The following ZBTB20 variants were observed in gnomAD, a reference collection of about 807,000 sequenced individuals.
ZBTB20 encodes zinc finger and BTB domain containing 20, also known as zinc finger and BTB domain-containing protein 20.
Under a neutral mutation model 56.9 loss-of-function variants are expected in ZBTB20, and 9 were observed. The ratio of observed to expected loss-of-function variants is 0.16; its 90% CI spans 0.10 to 0.28. The LOEUF is 0.28. Among genes scored for constraint, ZBTB20 ranks in the 10% least tolerant of loss-of-function variants. The pLI is 1.00. For synonymous variants in ZBTB20, 417 were observed against 420.7 expected, an observed-to-expected ratio of 0.99 and a Z score of 0.11; for missense variants, 655 against 1,003.0, an observed-to-expected ratio of 0.65 and a Z score of 4.69.
At chr3:115,068,721 A>G (rs577867094) in intron 2 of ZBTB20, among the ~76,000 whole-genome samples, 8 of 152,290 alleles carry the variant, frequency 5.3e-5, no homozygotes, top group African/African-American at 1.9e-4. Flanking sequence ...ATAATATTTA[A>G]GAAAGCAACT....
chr3:115,136,883 T>C (rs549757884), intron 1 of ZBTB20, among the ~76,000 whole-genome samples: 8 of 152,050 alleles, frequency 5.3e-5, no homozygotes, highest in Non-Finnish European at 1.2e-4. Flanking sequence ...TGTTCAAAGG[T>C]ATTTCTCTGA....
At chr3:115,030,032 C>T (rs149493439) in intron 2 of ZBTB20, among the ~76,000 whole-genome samples, 20 of 151,026 alleles carry the variant, frequency 1.3e-4, no homozygotes, top group African/African-American at 4.3e-4. Context: ...AAACAATGTC[C>T]TATGAAAAAT....
chr3:114,886,090 C>T (rs1260204417), intron 4 of ZBTB20, among the ~76,000 whole-genome samples: 1 of 152,172 alleles, frequency 6.6e-6, no homozygotes, highest in Non-Finnish European at 1.5e-5. Context: ...TACCCACTCA[C>T]CCTAATAGTG....
chr3:114,870,734 G>GA (rs1279808435), intron 4 of ZBTB20, among the ~76,000 whole-genome samples: 11 of 152,058 alleles, frequency 7.2e-5, no homozygotes, highest in Admixed American at 4.6e-4. Flanking sequence ...GAATAAGACA[G>GA]AAAATCTCTG....
intron 1 of ZBTB20, among the ~76,000 whole-genome samples, chr3:115,145,608 C>A (rs2084940269): frequency 6.6e-6 from 1 of 152,152 alleles, no homozygotes; most frequent in Admixed American, 6.5e-5. Flanking sequence ...TTCCCCCACA[C>A]CCAAAATATT....
chr3:114,377,267 G>C (rs888511261), intron 10 of ZBTB20, among the ~76,000 whole-genome samples: 1 of 152,192 alleles, frequency 6.6e-6, no homozygotes, highest in Admixed American at 6.5e-5. Flanking sequence ...AGGGGGTAAT[G>C]GGGGAATATT....
chr3:114,610,220 T>G lies in ZBTB20; in HGVS notation c.-295+83308A>C, dbSNP rs150171203. 7.2e-4 allele frequency among the ~76,000 whole-genome samples: 109 copies of G among 152,292 alleles called. 1 individual carries two copies. In the South Asian group the frequency reaches 9.1e-3, roughly 13 times the overall value. ...CAGAGATCTGTTGGCAAGTACATAT[T>G]TATGTGTATCTACAGTTCCCTCACA... On this transcript the variant is annotated intron_variant, in intron 6 of 11. Coordinates refer to ENST00000675478, the MANE Select transcript of ZBTB20 (RefSeq NM_001348800.3).
intron 3 of ZBTB20, among the ~76,000 whole-genome samples, chr3:114,917,626 A>G (rs2075796128): frequency 6.6e-6 from 1 of 152,208 alleles, no homozygotes; most frequent in African/African-American, 2.4e-5. Context: ...ACAGACTCAT[A>G]GAATTACCAT....
chr3:114,853,438 T>C (rs1255845263), intron 4 of ZBTB20, among the ~76,000 whole-genome samples: 1 of 152,262 alleles, frequency 6.6e-6, no homozygotes, highest in Non-Finnish European at 1.5e-5. Context: ...TTTAATTGTT[T>C]GTTGCACAGC....
intron 7 of ZBTB20, among the ~76,000 whole-genome samples, chr3:114,408,742 G>T (rs758003905): frequency 8.0e-5 from 12 of 150,866 alleles, no homozygotes; most frequent in Admixed American, 2.7e-4. Context: ...ATTTTTTGCA[G>T]TTTAAAAACA....
chr3:114,448,556 T>C (rs1576806648), intron 7 of ZBTB20, among the ~76,000 whole-genome samples: 2 of 152,136 alleles, frequency 1.3e-5, no homozygotes, highest in East Asian at 3.9e-4. Context: ...TTCTTCAGAA[T>C]ACTGAAGATG....
At position 114,319,795 on chromosome 3, in the gene ZBTB20, C is replaced by T. The variant is rs1402795214; in HGVS notation, c.*19210G>A. ...TGTACACATACATCTTGAAAAACCA[C>T]TTTCTCAAGCATATACATATATATA... On this transcript the variant is annotated 3_prime_UTR_variant, in exon 12 of 12. Coordinates refer to ENST00000675478, the MANE Select transcript of ZBTB20 (RefSeq NM_001348800.3). 9 of 142,264 alleles carry T rather than the reference C, an allele frequency of 6.3e-5. No homozygotes were observed. The highest frequency in any genetic ancestry group is 2.1e-4 in the African/African-American group (8 of 37,604). The allele number at this position is 142,264 out of a possible 1,614,324, so 8.8% of individuals were successfully genotyped here.
chr3:114,816,777 G>A (rs758702791), intron 4 of ZBTB20, among the ~76,000 whole-genome samples: 17 of 152,058 alleles, frequency 1.1e-4, no homozygotes, highest in Non-Finnish European at 2.4e-4. Flanking sequence ...ATCAAGACAA[G>A]TATGTACTTT....
chr3:114,634,172 T>G (rs1461580313), intron 6 of ZBTB20, among the ~76,000 whole-genome samples: 3 of 152,192 alleles, frequency 2.0e-5, no homozygotes, highest in Non-Finnish European at 4.4e-5. Flanking sequence ...GAGGCCCAGA[T>G]AAGTAACTTA....
intron 2 of ZBTB20, among the ~76,000 whole-genome samples, chr3:115,015,777 C>T (rs905801807): frequency 3.3e-5 from 5 of 151,832 alleles, no homozygotes; most frequent in African/African-American, 1.2e-4. Context: ...CTGCAATTGG[C>T]ATAAACGTGC....
intron 2 of ZBTB20, among the ~76,000 whole-genome samples, chr3:115,051,996 G>A (rs916154779): frequency 1.3e-5 from 2 of 151,898 alleles, no homozygotes; most frequent in Admixed American, 6.6e-5. Flanking sequence ...AACAGCAAGC[G>A]GGAAATTTGC....
intron 6 of ZBTB20, among the ~76,000 whole-genome samples, chr3:114,686,942 C>G (rs1334711203): frequency 6.6e-6 from 1 of 151,974 alleles, no homozygotes; most frequent in Non-Finnish European, 1.5e-5. Context: ...ACAACAACAA[C>G]AGCAATAACA....
intron 2 of ZBTB20, among the ~76,000 whole-genome samples, chr3:114,988,920 C>T (rs1167139101): frequency 6.6e-6 from 1 of 152,088 alleles, no homozygotes; most frequent in Non-Finnish European, 1.5e-5. Flanking sequence ...TGTCTGTTCA[C>T]ATCCTTCGCC....
rs113543620 is a variant in ZBTB20, at chr3:115,059,096, C to T, written c.-507+12123G>A. Among the ~76,000 whole-genome samples the T allele has an allele frequency of 7.8e-3, 1,186 of 152,298 alleles. 18 individuals carry two copies. Among genetic ancestry groups the T allele is most frequent in the African/African-American group, 0.026 (1,099 of 41,566 alleles). ...AAGCTTTCCTTTAAATCCTTGATCA[C>T]ATTTATAATAATGGTTACAAAATAT... On this transcript the variant is annotated intron_variant, in intron 2 of 11. Coordinates refer to ENST00000675478, the MANE Select transcript of ZBTB20 (RefSeq NM_001348800.3).
Sources: gnomAD v4.1 joint callset for allele counts (sites outside exome capture counted in the v4.1 genomes callset) on GRCh38, gnomAD v4.1.1 for gene constraint, MANE v1.5 for transcripts, NCBI Gene and HGNC (gene_info 2026-07-23, HGNC 2026-07-21) for gene names.